Variants in XRCC4 observed in about 807,000 individuals in gnomAD.
The protein encoded by XRCC4 is DNA repair protein XRCC4.
A neutral mutation model predicts 39.1 loss-of-function variants in XRCC4; 28 were observed. That is an observed-to-expected ratio of 0.72 (90% confidence interval 0.53 to 0.98). The LOEUF (loss-of-function observed/expected upper bound fraction) is 0.98, where lower values mean the gene tolerates loss of function less well. XRCC4 is among the 50% of genes least tolerant of loss of function. XRCC4 has a pLI of 0.00. For missense variants in XRCC4, 350 were observed against 376.4 expected, an observed-to-expected ratio of 0.93 and a Z score of 0.58; for synonymous variants, 123 against 126.4, an observed-to-expected ratio of 0.97 and a Z score of 0.18.
At chr5:83,288,593 G>GTT (rs750813059) in intron 7 of XRCC4, among the ~76,000 whole-genome samples, 6 of 151,816 alleles carry the variant, frequency 4.0e-5, no homozygotes, top group Non-Finnish European at 7.4e-5. Flanking sequence ...TCTTTCAACA[G>GTT]TTTAAGTATT....
chr5:83,369,255 G>T, the XRCC4 span, among the ~76,000 whole-genome samples: 1 of 152,094 alleles, frequency 6.6e-6, no homozygotes, highest in Non-Finnish European at 1.5e-5. Context: ...TTCTTTTTAA[G>T]CTTTTATCAT....
At chr5:83,129,890 A>G (rs1043912647) in intron 3 of XRCC4, among the ~76,000 whole-genome samples, 11 of 152,248 alleles carry the variant, frequency 7.2e-5, no homozygotes, top group Admixed American at 1.3e-4. Flanking sequence ...GGTTTTCTAA[A>G]TATACAATCA....
intron 6 of XRCC4, among the ~76,000 whole-genome samples, chr5:83,205,384 G>C (rs529238169): frequency 2.6e-5 from 4 of 152,236 alleles, no homozygotes; most frequent in Admixed American, 2.6e-4. Context: ...CAAGTGAGAT[G>C]TAATAGAGGA....
At chr5:83,107,546 A>G (rs1351754467) in intron 2 of XRCC4, among the ~76,000 whole-genome samples, 1 of 151,806 alleles carries the variant, frequency 6.6e-6, no homozygotes, top group African/African-American at 2.4e-5. Context: ...AATGTTTTTG[A>G]GGTCCAATTA....
chr5:83,341,901 G>A (rs914994404), intron 7 of XRCC4, among the ~76,000 whole-genome samples: 4 of 152,116 alleles, frequency 2.6e-5, no homozygotes, highest in African/African-American at 9.7e-5. Context: ...ATTGTTCCAA[G>A]TCAAATAAAG....
intron 6 of XRCC4, among the ~76,000 whole-genome samples, chr5:83,255,087 C>CAAA (rs564311242): frequency 6.1e-4 from 79 of 130,150 alleles, no homozygotes; most frequent in African/African-American, 2.0e-3. Context: ...AATTCCGTCT[C>CAAA]AAAAAAGAAA....
At chr5:83,170,067 T>G (rs1228767486) in intron 3 of XRCC4, among the ~76,000 whole-genome samples, 1 of 152,182 alleles carries the variant, frequency 6.6e-6, no homozygotes, top group Non-Finnish European at 1.5e-5. Context: ...GAAGATATAC[T>G]TGGTTATAGC....
chr5:83,369,413 G>T, the XRCC4 span, among the ~76,000 whole-genome samples: 7,859 of 151,982 alleles, frequency 0.052, 278 homozygotes, highest in African/African-American at 0.1. Context: ...TCCCTCCCCC[G>T]TCTAGTAGTT....
intron 7 of XRCC4, among the ~76,000 whole-genome samples, chr5:83,295,176 T>C (rs1334960049): frequency 2.0e-5 from 3 of 152,018 alleles, no homozygotes; most frequent in Non-Finnish European, 4.4e-5. Context: ...AAGAGGGACA[T>C]ATAGTGAGCA....
At chr5:83,267,668 A>T (rs2112921470) in intron 7 of XRCC4, among the ~76,000 whole-genome samples, 2 of 152,280 alleles carry the variant, frequency 1.3e-5, no homozygotes, top group East Asian at 3.9e-4. Context: ...CATACCCACA[A>T]TGGACCACCC....
intron 6 of XRCC4, among the ~76,000 whole-genome samples, chr5:83,227,418 A>G (rs1752332317): frequency 6.6e-6 from 1 of 152,136 alleles, no homozygotes; most frequent in Non-Finnish European, 1.5e-5. Flanking sequence ...ATTTTGACAT[A>G]TACAAAAATG....
At chr5:83,280,673 A>G (rs943864099) in intron 7 of XRCC4, 11 of 259,640 alleles carry the variant, frequency 4.2e-5, no homozygotes, top group African/African-American at 2.4e-4. Context: ...CTTTTATAAG[A>G]CATGAATCCA....
At chr5:83,093,649 C>T (rs1003552818) in intron 1 of XRCC4, among the ~76,000 whole-genome samples, 27 of 151,986 alleles carry the variant, frequency 1.8e-4, no homozygotes, top group African/African-American at 4.1e-4. Flanking sequence ...AAATCAATTA[C>T]GGGAAGAATT....
chr5:83,223,789 G>A (rs770094270), intron 6 of XRCC4, among the ~76,000 whole-genome samples: 3 of 150,992 alleles, frequency 2.0e-5, no homozygotes, highest in Non-Finnish European at 2.9e-5. Flanking sequence ...CCATTAACTC[G>A]TCATTTACAT....
At chr5:83,207,499 TA>T (rs1412132990) in intron 6 of XRCC4, among the ~76,000 whole-genome samples, 2 of 152,108 alleles carry the variant, frequency 1.3e-5, no homozygotes, top group South Asian at 2.1e-4. Context: ...AACTTGCTTT[TA>T]GTAAGTTTTC....
intron 6 of XRCC4, among the ~76,000 whole-genome samples, chr5:83,246,170 G>C (rs1753093183): frequency 6.6e-6 from 1 of 151,794 alleles, no homozygotes; most frequent in Non-Finnish European, 1.5e-5. Flanking sequence ...CTATTCATCT[G>C]TCTGAACAGT....
chr5:83,289,890 T>C (rs1398702911), intron 7 of XRCC4, among the ~76,000 whole-genome samples: 3 of 151,756 alleles, frequency 2.0e-5, no homozygotes, highest in African/African-American at 7.3e-5. Flanking sequence ...CAGGAGAAGC[T>C]CTTTCTTGGA....
chr5:83,125,512 C>T (rs1380562884), intron 3 of XRCC4, among the ~76,000 whole-genome samples: 1 of 152,178 alleles, frequency 6.6e-6, no homozygotes, highest in Admixed American at 6.5e-5. Context: ...ATTGTTCTAA[C>T]ACCATTAGTT....
the XRCC4 span, among the ~76,000 whole-genome samples, chr5:83,373,686 C>G: frequency 6.6e-6 from 1 of 152,140 alleles, no homozygotes; most frequent in Non-Finnish European, 1.5e-5. Context: ...ATTTAACACT[C>G]TTCACACTGC....
Sources: allele counts gnomAD v4.1 joint callset (sites outside exome capture counted in the v4.1 genomes callset), GRCh38; gene constraint gnomAD v4.1.1; transcripts MANE v1.5; gene names NCBI Gene and HGNC (gene_info 2026-07-23, HGNC 2026-07-21).